The following UHRF1 variants were observed in gnomAD, a reference collection of about 807,000 sequenced individuals.
UHRF1 encodes the protein ubiquitin like with PHD and ring finger domains 1, also known as E3 ubiquitin-protein ligase UHRF1.
A neutral mutation model predicts 96.5 loss-of-function variants in UHRF1; 9 were observed. The ratio of observed to expected loss-of-function variants is 0.09; its 90% confidence interval spans 0.06 to 0.16. UHRF1 has a LOEUF of 0.16. Among genes scored for constraint, UHRF1 ranks in the 10% least tolerant of loss-of-function variants. The pLI, the probability that UHRF1 is intolerant of heterozygous loss-of-function variation, is 1.00. For synonymous variants in UHRF1, 455 were observed against 469.9 expected (o/e 0.97, Z 0.41); for missense variants, 626 against 1,131.1 (o/e 0.55, Z 6.40).
rs747811505 is a variant in UHRF1 at position 4,945,972 on chromosome 19, G to C, written c.1410+7G>C. On this transcript the variant is annotated splice_region_variant and intron_variant, in intron 10 of 16. Transcript: ENST00000650932. ...GGGCTATGAGGATGATGTGGTGAGT[G>C]TGTGTGTGGGAGGGGTGGGGGAGGG... 7.7e-7 allele frequency: 1 copy of C among 1,299,760 alleles called. No homozygotes were observed. Among genetic ancestry groups the C allele is most frequent in the South Asian group, 1.3e-5 (1 of 79,402 alleles). 80.5% of individuals were successfully genotyped at this position (1,299,760 alleles called of 1,614,324 possible). A position where few individuals can be genotyped will look rare whatever the true frequency, so the allele number is the denominator to read the frequency against.
chr19:4,909,857 C>T, intron 1 of UHRF1: 1 of 384,008 alleles, frequency 2.6e-6, no homozygotes. Context: ...AGCGCTGCGT[C>T]CCCGGAGCCC....
intron 2 of UHRF1, among the ~76,000 whole-genome samples, chr19:4,917,009 T>G (rs2032532700): frequency 6.6e-6 from 1 of 151,500 alleles, no homozygotes; most frequent in African/African-American, 2.4e-5. Context: ...CTAGGCAGTG[T>G]TCGGCACCCT....
At chr19:4,933,105 GT>G in intron 5 of UHRF1, 149 bp downstream of exon 5, 1 of 854,052 alleles carries the variant, frequency 1.2e-6, no homozygotes, top group South Asian at 1.8e-5. Flanking sequence ...TCTGGGGTCT[GT>G]TCCTGCTCAC....
chr19:4,929,487 C>T lies in UHRF1; in HGVS notation c.408+11C>T, dbSNP rs778832264. ...TTGGGGCTGTACAAGGTGAGCCTCC[C>T]CTCCGCAGCTGCTCTGGGGTTGGAC... On this transcript the variant is annotated intron_variant, in intron 3 of 16. Coordinates refer to ENST00000650932, the MANE Select transcript of UHRF1 (RefSeq NM_001048201.3). 2 of 1,605,392 alleles carry T rather than the reference C, an allele frequency of 1.2e-6. No homozygotes were observed. The highest frequency in any genetic ancestry group is 2.2e-5 in the South Asian group (2 of 90,604).
At chr19:4,903,654 C>T (rs1225138474) in intron 1 of UHRF1, 3 of 151,722 alleles carry the variant, frequency 2.0e-5, no homozygotes, top group Admixed American at 2.0e-4. Context: ...AGGCAAGTGC[C>T]ACTGCAACTA....
intron 1 of UHRF1, chr19:4,910,551 C>T (rs1048244301): frequency 1.5e-5 from 4 of 268,078 alleles, no homozygotes; most frequent in African/African-American, 2.2e-5. Context: ...AACGAACCAA[C>T]TCGGCCACTT....
At chr19:4,903,928 T>G (rs1372181408) in intron 1 of UHRF1, among the ~76,000 whole-genome samples, 1 of 152,178 alleles carries the variant, frequency 6.6e-6, no homozygotes, top group African/African-American at 2.4e-5. Flanking sequence ...AGTGTGTGCT[T>G]AATCTGAACA....
chr19:4,927,557 G>A (rs1023134761), intron 2 of UHRF1, among the ~76,000 whole-genome samples: 3 of 152,122 alleles, frequency 2.0e-5, no homozygotes, highest in East Asian at 1.9e-4. Context: ...CCCAAGGGGC[G>A]AAAGGAGGAA....
At chr19:4,941,108 T>G (rs1258121422) in intron 5 of UHRF1, among the ~76,000 whole-genome samples, 37 of 111,332 alleles carry the variant, frequency 3.3e-4, no homozygotes, top group Non-Finnish European at 5.6e-4. Context: ...TTTTTTTTTT[T>G]GAGACTGAGT....
chr19:4,915,363 C>T (rs1172269298), intron 2 of UHRF1, among the ~76,000 whole-genome samples: 1 of 152,176 alleles, frequency 6.6e-6, no homozygotes, highest in African/African-American at 2.4e-5. Context: ...CCCGAAGCAG[C>T]TGTAGACAAT....
intron 11 of UHRF1, among the ~76,000 whole-genome samples, chr19:4,948,415 A>G (rs2033629846): frequency 1.3e-5 from 2 of 152,206 alleles, no homozygotes; most frequent in East Asian, 1.9e-4. Flanking sequence ...AATCCTATAA[A>G]TTAAAAGGCA....
At chr19:4,914,595 CTT>C (rs962679028) in intron 2 of UHRF1, among the ~76,000 whole-genome samples, 1 of 151,488 alleles carries the variant, frequency 6.6e-6, no homozygotes, top group African/African-American at 2.4e-5. Context: ...AGGGCAGTGA[CTT>C]TGGGCAGACG....
At chr19:4,943,983 G>A (rs948679634) in intron 7 of UHRF1, 149 bp from the exon 8 acceptor site, 3 of 1,239,940 alleles carry the variant, frequency 2.4e-6, no homozygotes, top group African/African-American at 3.0e-5. Context: ...AAACAGCCTC[G>A]TGTGCCAAGC....
Position 4,960,726 on chromosome 19 carries a change from A to G in UHRF1, c.2305A>G (p.Ser769Gly). The change falls in exon 17 of 17, where the codon AGC becomes GGC. Residue 769 changes from serine (S) to glycine (G), a missense_variant. Transcript: ENST00000650932. ...CPACRYDLGR[S>G]YAMQVNQPLQ... ...TGCCTGCCGCTACGACCTGGGCCGC[A>G]GCTATGCCATGCAGGTGAACCAGCC... 3 of 1,572,402 alleles carry G rather than the reference A, an allele frequency of 1.9e-6. No homozygotes were observed. The highest frequency in any genetic ancestry group is 2.6e-6 in the Non-Finnish European group (3 of 1,159,566).
intron 1 of UHRF1, among the ~76,000 whole-genome samples, chr19:4,903,919 G>T (rs1022608651): frequency 1.5e-4 from 23 of 152,196 alleles, no homozygotes; most frequent in African/African-American, 5.3e-4. Context: ...GATCAGGGCA[G>T]TGTGTGCTTA....
intron 2 of UHRF1, among the ~76,000 whole-genome samples, chr19:4,912,578 G>A (rs921839821): frequency 2.0e-5 from 3 of 152,008 alleles, no homozygotes; most frequent in African/African-American, 7.3e-5. Flanking sequence ...TTTCACCATC[G>A]GTATTCTGAC....
chr19:4,916,727 C>T (rs566657310), intron 2 of UHRF1, among the ~76,000 whole-genome samples: 3 of 152,326 alleles, frequency 2.0e-5, no homozygotes, highest in African/African-American at 7.2e-5. Context: ...TCTCTCCCTC[C>T]GTCTGTCTTG....
rs1462627811 is a variant in UHRF1 at position 4,929,207 on chromosome 19, C to G, written c.154-15C>G. 1 of 1,605,614 alleles carries G rather than the reference C, an allele frequency of 6.2e-7. No homozygotes were observed. The highest frequency in any genetic ancestry group is 8.5e-7 in the Non-Finnish European group (1 of 1,173,784). On this transcript the variant is annotated splice_polypyrimidine_tract_variant and intron_variant, in intron 2 of 16. Coordinates refer to ENST00000650932, the MANE Select transcript of UHRF1 (RefSeq NM_001048201.3). ...TTTGGTGGCTAAACAGCGTCTGCCT[C>G]TGGTGTCCCTGCAGATGGAGGACGG...
At chr19:4,943,503 T>G (rs17882933) in intron 7 of UHRF1, among the ~76,000 whole-genome samples, 12 of 128,786 alleles carry the variant, frequency 9.3e-5, no homozygotes, top group Admixed American at 5.8e-4. Context: ...CTGCCCCCCC[T>G]CCCCACATCG....
Sources: gnomAD v4.1 joint callset for allele counts (sites outside exome capture counted in the v4.1 genomes callset) on GRCh38, gnomAD v4.1.1 for gene constraint, MANE v1.5 for transcripts, NCBI Gene and HGNC (gene_info 2026-07-23, HGNC 2026-07-21) for gene names.